SEC14L1: variants seen among roughly 807,000 people sequenced by gnomAD.
The protein encoded by SEC14L1 is SEC14 like lipid binding 1.
A neutral mutation model predicts 85.3 loss-of-function variants in SEC14L1; 48 were observed. The observed-to-expected ratio is 0.56, with a 90% CI of 0.45 to 0.72. The LOEUF (loss-of-function observed/expected upper bound fraction) is 0.72, where lower values mean the gene tolerates loss of function less well. Among genes scored for constraint, SEC14L1 ranks in the 30% least tolerant of loss-of-function variants. SEC14L1 has a pLI of 0.00. For missense variants in SEC14L1, 682 were observed against 921.4 expected (o/e 0.74, Z 3.36); for synonymous variants, 391 against 355.5 (o/e 1.10, Z -1.12).
intron 3 of SEC14L1, among the ~76,000 whole-genome samples, chr17:77,102,737 C>A (rs2143323001): frequency 6.6e-6 from 1 of 152,268 alleles, no homozygotes; most frequent in South Asian, 2.1e-4. Flanking sequence ...CTCCTGACTT[C>A]AGGTGATCCT....
At chr17:77,149,961 A>G (rs548335311) in intron 3 of SEC14L1, among the ~76,000 whole-genome samples, 1 of 152,206 alleles carries the variant, frequency 6.6e-6, no homozygotes, top group Non-Finnish European at 1.5e-5. Context: ...ATAACCAAAA[A>G]ACCTGCTTAC....
At chr17:77,115,913 C>T (rs893197437) in intron 3 of SEC14L1, among the ~76,000 whole-genome samples, 1 of 142,994 alleles carries the variant, frequency 7.0e-6, no homozygotes, top group Admixed American at 7.1e-5. Flanking sequence ...AGTTTTGACT[C>T]TCCTTTTTTT....
intron 9 of SEC14L1, among the ~76,000 whole-genome samples, chr17:77,202,882 GCACT>G (rs931121532): frequency 3.3e-5 from 5 of 150,960 alleles, no homozygotes; most frequent in Admixed American, 3.3e-4. Flanking sequence ...TCGTGCCACT[GCACT>G]CCAGCTTGGG....
intron 9 of SEC14L1, among the ~76,000 whole-genome samples, chr17:77,203,078 A>G (rs1049402786): frequency 2.0e-5 from 3 of 152,200 alleles, no homozygotes; most frequent in African/African-American, 4.8e-5. Context: ...TTCAGTTTTT[A>G]GTAATCTATG....
At chr17:77,100,597 C>T (rs1275715461) in intron 3 of SEC14L1, among the ~76,000 whole-genome samples, 2 of 151,792 alleles carry the variant, frequency 1.3e-5, no homozygotes, top group African/African-American at 4.8e-5. Flanking sequence ...CCACCACGCC[C>T]GGCTAATTTT....
intron 3 of SEC14L1, among the ~76,000 whole-genome samples, chr17:77,109,080 C>G (rs1272202259): frequency 6.6e-6 from 1 of 152,184 alleles, no homozygotes; most frequent in Non-Finnish European, 1.5e-5. Flanking sequence ...CCTTGGCCTC[C>G]CAAAGTGCTG....
chr17:77,199,005 C>CTTTTTTTTT, intron 8 of SEC14L1: 1 of 133,954 alleles, frequency 7.5e-6, no homozygotes, highest in Non-Finnish European at 1.6e-5. Flanking sequence ...CGTCTTCTTT[C>CTTTTTTTTT]TTTTTTTTTT....
rs1975516777 is a variant in SEC14L1, at chr17:77,191,196, T to G, written c.229T>G (p.Tyr77Asp). The change falls in exon 5 of 17, where the codon TAT becomes GAT. Residue 77 changes from tyrosine to aspartate, a missense_variant. Coordinates refer to ENST00000436233, the MANE Select transcript of SEC14L1 (RefSeq NM_001143998.2). Reference sequence around the variant, plus strand: ...TTTTTTGAAGATTGCAGGAGTTGATTATGTTTATTTTGTCCAGAAAAACTC... The same window carrying G: ...TTTTTTGAAGATTGCAGGAGTTGATGATGTTTATTTTGTCCAGAAAAACTC... Reference protein sequence around the residue: ...RLLKKIAGVDYVYFVQKNSLN... With the variant: ...RLLKKIAGVDDVYFVQKNSLN... 6.2e-7 allele frequency: 1 copy of G among 1,613,172 alleles called. No individual in the cohort carries two copies. The highest frequency in any genetic ancestry group is 2.2e-5 in the East Asian group (1 of 44,886).
chr17:77,148,346 T>G (rs1221050230), intron 3 of SEC14L1, among the ~76,000 whole-genome samples: 1 of 152,064 alleles, frequency 6.6e-6, no homozygotes, highest in Non-Finnish European at 1.5e-5. Flanking sequence ...ACTCTGGTCT[T>G]TCTTCTGCTG....
rs150382061 is a variant in SEC14L1, at chr17:77,129,651, T to C, written c.-135-12995T>C. Among the ~76,000 whole-genome samples, 361 of 152,202 alleles carry C rather than the reference T, an allele frequency of 2.4e-3. 1 individual carries two copies. The highest frequency in any genetic ancestry group is 0.013 in the South Asian group (63 of 4,822). ...GAGCTCTGGCCTCTGATGACCCCTG[T>C]GTGTCTTCAGTTCTGCCCGCAGAGC... is the stretch of plus-strand genomic sequence containing the variant. On this transcript the variant is annotated intron_variant, in intron 3 of 19. Transcript: ENST00000392476.
At chr17:77,151,437 A>G (rs1166463529) in intron 3 of SEC14L1, among the ~76,000 whole-genome samples, 1 of 152,178 alleles carries the variant, frequency 6.6e-6, no homozygotes, top group Non-Finnish European at 1.5e-5. Flanking sequence ...TCTCAGCATT[A>G]TGCATTCCAG....
chr17:77,172,193 C>T (rs980728238), intron 3 of SEC14L1, among the ~76,000 whole-genome samples: 3 of 151,882 alleles, frequency 2.0e-5, no homozygotes, highest in Non-Finnish European at 4.4e-5. Context: ...GTGATAAGCT[C>T]AGGTTTGGGT....
intron 3 of SEC14L1, among the ~76,000 whole-genome samples, chr17:77,173,427 G>GCCT (rs1974610036): frequency 9.2e-5 from 14 of 151,922 alleles, no homozygotes; most frequent in Non-Finnish European, 1.8e-4. Flanking sequence ...TCTGGCTGAG[G>GCCT]CAGATGGTCT....
At chr17:77,132,226 AT>A (rs1333203539) in intron 3 of SEC14L1, among the ~76,000 whole-genome samples, 2,285 of 133,300 alleles carry the variant, frequency 0.017, 36 homozygotes, top group African/African-American at 0.05. Flanking sequence ...TCTGCATGGA[AT>A]TTTTTTTTTT....
At chr17:77,161,883 C>T (rs368589938) in intron 3 of SEC14L1, among the ~76,000 whole-genome samples, 1 of 142,362 alleles carries the variant, frequency 7.0e-6, no homozygotes, top group Admixed American at 7.0e-5. Context: ...TCCCTTCCTT[C>T]CTTCCTCTCT....
chr17:77,189,667 C>T (rs572382708), intron 3 of SEC14L1, among the ~76,000 whole-genome samples: 12 of 152,148 alleles, frequency 7.9e-5, no homozygotes, highest in Non-Finnish European at 1.6e-4. Context: ...CTCACTCTGT[C>T]GCCCAGGCTG....
chr17:77,185,242 G>A, intron 3 of SEC14L1: 3 of 985,476 alleles, frequency 3.0e-6, no homozygotes, highest in Non-Finnish European at 3.6e-6. Context: ...TGACAGGCTT[G>A]GAAGAGAATG....
chr17:77,192,835 A>AT (rs1420959621), intron 5 of SEC14L1, among the ~76,000 whole-genome samples: 1 of 151,650 alleles, frequency 6.6e-6, no homozygotes, highest in Admixed American at 6.6e-5. Flanking sequence ...TAGTTTTTAA[A>AT]TTTTTTTGTA....
intron 3 of SEC14L1, among the ~76,000 whole-genome samples, chr17:77,175,652 G>C (rs1974720548): frequency 6.6e-6 from 1 of 152,146 alleles, no homozygotes. Flanking sequence ...CAGAGAACAG[G>C]AATCTATAAA....
Sources: gnomAD v4.1 joint callset for allele counts (sites outside exome capture counted in the v4.1 genomes callset) on GRCh38, gnomAD v4.1.1 for gene constraint, MANE v1.5 for transcripts, NCBI Gene and HGNC (gene_info 2026-07-23, HGNC 2026-07-21) for gene names.